POU2AF2: variants seen among roughly 807,000 people sequenced by gnomAD.
The protein encoded by POU2AF2 is POU domain class 2-associating factor 2.
At chr11:111,252,181 C>T in the POU2AF2 span, among the ~76,000 whole-genome samples, 1 of 152,186 alleles carries the variant, frequency 6.6e-6, no homozygotes, top group Non-Finnish European at 1.5e-5. Context: ...CCACATCGAC[C>T]TCAGTCAGTC....
the POU2AF2 span, among the ~76,000 whole-genome samples, chr11:111,267,576 G>A: frequency 4.6e-5 from 7 of 152,298 alleles, no homozygotes; most frequent in Admixed American, 4.6e-4. Context: ...TCACTCATGG[G>A]ACTGGATGCA....
chr11:111,270,955 AGT>A, the POU2AF2 span, among the ~76,000 whole-genome samples: 1 of 152,162 alleles, frequency 6.6e-6, no homozygotes, highest in Non-Finnish European at 1.5e-5. Flanking sequence ...TCACCCCACC[AGT>A]CATTTCCAAC....
the POU2AF2 span, among the ~76,000 whole-genome samples, chr11:111,268,489 T>TTTATTTTATTTTATTTTATTTTA: frequency 2.1e-5 from 1 of 48,712 alleles, no homozygotes; most frequent in South Asian, 1.1e-3. Flanking sequence ...TTTATTTTAT[T>TTTATTTTATTTTATTTTATTTTA]TTATTTTATT....
At chr11:111,258,169 TGAGAGA>T in the POU2AF2 span, among the ~76,000 whole-genome samples, 3 of 151,284 alleles carry the variant, frequency 2.0e-5, no homozygotes, top group South Asian at 2.1e-4. Context: ...TCTAGTCTCT[TGAGAGA>T]GAGAGAGAGA....
At chr11:111,257,672 C>T in the POU2AF2 span, among the ~76,000 whole-genome samples, 17 of 152,164 alleles carry the variant, frequency 1.1e-4, no homozygotes, top group Non-Finnish European at 1.6e-4. Context: ...CCGCGCCCAG[C>T]CGTTATCCTT....
the POU2AF2 span, among the ~76,000 whole-genome samples, chr11:111,277,213 G>C: frequency 6.6e-6 from 1 of 152,198 alleles, no homozygotes; most frequent in African/African-American, 2.4e-5. Flanking sequence ...TGAAAACAGA[G>C]AGTACAATTT....
the POU2AF2 span, among the ~76,000 whole-genome samples, chr11:111,267,038 G>A: frequency 6.6e-6 from 1 of 152,114 alleles, no homozygotes; most frequent in Admixed American, 6.5e-5. Context: ...GAACACATTT[G>A]TCTCCCCAAT....
At chr11:111,278,543 G>C in the POU2AF2 span, among the ~76,000 whole-genome samples, 1 of 143,758 alleles carries the variant, frequency 7.0e-6, no homozygotes, top group Admixed American at 7.0e-5. Flanking sequence ...CCAGAGAGAT[G>C]ATCTCTCTCT....
chr11:111,280,297 T>C, the POU2AF2 span, among the ~76,000 whole-genome samples: 2 of 152,024 alleles, frequency 1.3e-5, no homozygotes, highest in African/African-American at 4.8e-5. Context: ...CAGTAAACAT[T>C]GAAGTGGCCC....
chr11:111,285,835 G>T, the POU2AF2 span: 25 of 1,609,350 alleles, frequency 1.6e-5, no homozygotes, highest in Non-Finnish European at 2.1e-5. Context: ...CATACTCGCT[G>T]CATGCTCTGG....
At chr11:111,264,520 GAAA>G in the POU2AF2 span, among the ~76,000 whole-genome samples, 1 of 57,132 alleles carries the variant, frequency 1.8e-5, no homozygotes, top group African/African-American at 7.0e-5. Context: ...AAGAAAGAAA[GAAA>G]GAAAGAAAGA....
At chr11:111,257,776 C>T in the POU2AF2 span, among the ~76,000 whole-genome samples, 2 of 152,232 alleles carry the variant, frequency 1.3e-5, no homozygotes, top group African/African-American at 4.8e-5. Flanking sequence ...GCTCCTAGTT[C>T]AGTGCTTCTC....
At chr11:111,269,025 G>A in the POU2AF2 span, among the ~76,000 whole-genome samples, 1 of 151,878 alleles carries the variant, frequency 6.6e-6, no homozygotes, top group Non-Finnish European at 1.5e-5. Flanking sequence ...TTTCATGAAT[G>A]CCAGCAGAAG....
At chr11:111,248,987 GAGA>G in the POU2AF2 span, among the ~76,000 whole-genome samples, 3 of 152,212 alleles carry the variant, frequency 2.0e-5, no homozygotes, top group Non-Finnish European at 2.9e-5. Flanking sequence ...TAAAGTAAAT[GAGA>G]AGGAGATGAC....
At chr11:111,278,526 A>G in the POU2AF2 span, among the ~76,000 whole-genome samples, 7 of 151,586 alleles carry the variant, frequency 4.6e-5, no homozygotes, top group African/African-American at 1.7e-4. Context: ...CCTTATAAGA[A>G]GAGACACCAG....
the POU2AF2 span, among the ~76,000 whole-genome samples, chr11:111,247,624 T>TA: frequency 6.6e-6 from 1 of 151,814 alleles, no homozygotes; most frequent in African/African-American, 2.4e-5. Context: ...CCATCTCTAC[T>TA]AAAAATACAA....
At chr11:111,261,720 T>C in the POU2AF2 span, among the ~76,000 whole-genome samples, 1 of 152,194 alleles carries the variant, frequency 6.6e-6, no homozygotes, top group Non-Finnish European at 1.5e-5. Context: ...TGTTGATTTA[T>C]GAACAAAGTA....
At chr11:111,283,864 A>G in the POU2AF2 span, among the ~76,000 whole-genome samples, 4 of 152,110 alleles carry the variant, frequency 2.6e-5, no homozygotes, top group Admixed American at 2.0e-4. Flanking sequence ...AAATGAACTC[A>G]CCCCTAAAGG....
chr11:111,281,322 A>G, the POU2AF2 span: 4 of 1,258,510 alleles, frequency 3.2e-6, no homozygotes, highest in Non-Finnish European at 4.6e-6. Flanking sequence ...AACCAAGCTT[A>G]TAAGGTGTAT....
Sources: allele counts gnomAD v4.1 joint callset (sites outside exome capture counted in the v4.1 genomes callset), GRCh38; gene constraint gnomAD v4.1.1; transcripts MANE v1.5; gene names NCBI Gene and HGNC (gene_info 2026-07-23, HGNC 2026-07-21).